Variants in TBX22 observed in about 807,000 individuals in gnomAD.
The protein encoded by TBX22 is T-box transcription factor TBX22.
TBX22 carries 8 observed loss-of-function variants against 30.1 expected under a neutral mutation model. That is an observed-to-expected ratio of 0.27 (90% CI 0.16 to 0.48). The LOEUF is 0.48. TBX22 is among the 20% of genes least tolerant of loss of function. The pLI, the probability that TBX22 is intolerant of heterozygous loss-of-function variation, is 0.99. For synonymous variants in TBX22, 173 were observed against 149.1 expected (o/e 1.16, Z -1.17); for missense variants, 463 against 400.5 (o/e 1.16, Z -1.33).
rs369384425 is a variant in TBX22 at position 80,023,117 on chromosome X, G to A, written c.233G>A (p.Ser78Asn). Residue 78 changes from serine to asparagine, a missense_variant, in exon 3 of 9, where the codon AGC (serine) becomes AAC (asparagine). Transcript: ENST00000373296. ...GCTTCCTCTGGCTGCGGCAGCGACA[G>A]CGGCTACGGCAACAGCTCTGAAAGT... ...TSASSGCGSDSGYGNSSESLE... is the reference protein window; with the variant it reads ...TSASSGCGSDNGYGNSSESLE... 12 of 1,210,142 alleles carry A rather than the reference G, an allele frequency of 9.9e-6. No individual in the cohort carries two copies. In the African/African-American group the frequency reaches 1.9e-4, roughly 19 times the overall value.
At position 80,022,385 on chromosome X, in the gene TBX22, A is replaced by G. The variant is rs753716446; in HGVS notation, c.116A>G (p.Lys39Arg). The G allele has an allele frequency of 1.7e-6, 2 of 1,207,941 alleles. No homozygotes were observed. The highest frequency in any genetic ancestry group is 2.2e-6 in the Non-Finnish European group (2 of 893,375). Residue 39 changes from lysine (K) to arginine (R), a missense_variant, in exon 2 of 9, where the codon AAG (lysine) becomes AGG (arginine). Lys to Arg is a conservative substitution (Grantham distance 26, BLOSUM62 2). Transcript: ENST00000373296. ...GAGCAGCCTGAGCTGCGGGAGAAAA[A>G]GGGCGGAGAGGAAGAGGAGGAGAGA... The part of the protein sequence containing the change: ...QAEQPELREK[K>R]GGEEEEERRS...
At chrX:80,022,925 A>G (rs1337954719) in intron 2 of TBX22, 135 bp from the exon 3 acceptor site, 2 of 617,320 alleles carry the variant, frequency 3.2e-6, no homozygotes, top group African/African-American at 2.3e-5. Context: ...TGTTATGCGG[A>G]GCTTGGGGAA....
At chrX:80,027,386 T>C in intron 7 of TBX22, 66 bp downstream of exon 7, 1 of 635,568 alleles carries the variant, frequency 1.6e-6, no homozygotes, top group South Asian at 2.6e-5. Flanking sequence ...TTTTTTTTTT[T>C]TTTTTTTCCT....
chrX:80,028,138 C>T (rs1212546633), intron 8 of TBX22, 62 bp downstream of exon 8: 1 of 994,176 alleles, frequency 1.0e-6, no homozygotes, highest in African/African-American at 1.9e-5. Context: ...ACATCCGGAA[C>T]CCTTGTACCA....
Position 80,028,068 on chromosome X carries a change from A to G in TBX22, c.941A>G (p.Asp314Gly), listed in dbSNP as rs767569061. ...FTLDFKTFGA[D>G]TQSGSSGSSP... ...CTCGATTTTAAAACCTTTGGCGCAG[A>G]CACACAAAGTAAGAAAACTTGGAAC... The change falls in exon 8 of 9, where the codon GAC becomes GGC. Residue 314 changes from aspartate (D) to glycine (G), a missense_variant. Asp to Gly is a moderately conservative substitution (Grantham distance 94). Coordinates refer to ENST00000373296, the MANE Select transcript of TBX22 (RefSeq NM_001109878.2). The G allele has an allele frequency of 1.7e-6, 2 of 1,206,551 alleles. No individual in the cohort carries two copies. The highest frequency in any genetic ancestry group is 1.8e-5 in the African/African-American group (1 of 57,071).
At chrX:80,026,535 T>C (rs1923983197) in intron 5 of TBX22, among the ~76,000 whole-genome samples, 169 bp from the exon 6 acceptor site, 1 of 112,150 alleles carries the variant, frequency 8.9e-6, no homozygotes, top group Admixed American at 9.4e-5. Context: ...TCTCTGGAAA[T>C]GTTTTTAGCT....
chrX:80,027,370 A>G (rs1372662597), intron 7 of TBX22, 50 bp downstream of exon 7: 1 of 640,220 alleles, frequency 1.6e-6, no homozygotes, highest in East Asian at 3.6e-5. Context: ...AGCTATTTTC[A>G]CAAGTTTTTT....
chrX:80,018,322 A>G (rs916803634), intron 1 of TBX22, among the ~76,000 whole-genome samples: 5 of 112,397 alleles, frequency 4.4e-5, no homozygotes, highest in Non-Finnish European at 7.5e-5. Context: ...ATTTCCAAGG[A>G]TGAACTTGAT....
chrX:80,023,958 G>T, intron 3 of TBX22, 105 bp from the exon 4 acceptor site: 1 of 710,474 alleles, frequency 1.4e-6, no homozygotes, highest in Non-Finnish European at 2.2e-6. Flanking sequence ...GAAGGGTATT[G>T]TGAGTCCCTT....
At chrX:80,021,359 A>C (rs1923681270) in intron 1 of TBX22, among the ~76,000 whole-genome samples, 1 of 111,455 alleles carries the variant, frequency 9.0e-6, no homozygotes, top group South Asian at 3.8e-4. Context: ...TGGCATTGGG[A>C]GACTCCTGCC....
At chrX:80,025,463 T>C in intron 4 of TBX22, 140 bp from the exon 5 acceptor site, 1 of 537,861 alleles carries the variant, frequency 1.9e-6, no homozygotes. Flanking sequence ...CCCGAATGCT[T>C]GTTAGAAATT....
chrX:80,023,951 G>A (rs1923845075), intron 3 of TBX22, 112 bp from the exon 4 acceptor site: 4 of 656,435 alleles, frequency 6.1e-6, no homozygotes, highest in Non-Finnish European at 5.0e-6. Flanking sequence ...GAAAAGGGAA[G>A]GGTATTGTGA....
At chrX:80,027,761 C>T (rs1313185682) in intron 7 of TBX22, among the ~76,000 whole-genome samples, 3 of 111,795 alleles carry the variant, frequency 2.7e-5, no homozygotes, top group Admixed American at 9.5e-5. Context: ...AGAAAGGAAC[C>T]CAGATGTTTT....
chrX:80,021,580 A>C (rs1923694573), intron 1 of TBX22, among the ~76,000 whole-genome samples: 1 of 111,906 alleles, frequency 8.9e-6, no homozygotes, highest in Admixed American at 9.4e-5. Context: ...CATGTCTTTG[A>C]GTTTTATAAT....
intron 6 of TBX22, among the ~76,000 whole-genome samples, 188 bp from the exon 7 acceptor site, chrX:80,027,068 A>C (rs1924010380): frequency 8.9e-6 from 1 of 112,714 alleles, no homozygotes; most frequent in Non-Finnish European, 1.9e-5. Flanking sequence ...GGTAATTTAT[A>C]AAAGTAATGA....
At position 80,025,781 on chromosome X, in the gene TBX22, C is replaced by T. The variant is rs370955267; in HGVS notation, c.633+4C>T. Reference sequence around the variant, plus strand: ...TGAGATGGATGACAAAGGCCACGTACGTGAGCACAATCCTTTACCCCGAGG... The same window carrying T: ...TGAGATGGATGACAAAGGCCACGTATGTGAGCACAATCCTTTACCCCGAGG... On this transcript the variant is annotated splice_donor_region_variant and intron_variant, in intron 5 of 8. Transcript: ENST00000373296. The T allele has an allele frequency of 3.1e-5, 37 of 1,194,400 alleles. No individual in the cohort carries two copies. The highest frequency in any genetic ancestry group is 2.3e-4 in the Middle Eastern group (1 of 4,266).
intron 3 of TBX22, 43 bp downstream of exon 3, chrX:80,023,283 G>A: frequency 8.6e-7 from 1 of 1,157,714 alleles, no homozygotes; most frequent in Non-Finnish European, 1.2e-6. Flanking sequence ...ACACACATTA[G>A]GCACTTAATT....
At chrX:80,023,976 T>G in intron 3 of TBX22, 87 bp from the exon 4 acceptor site, 1 of 881,391 alleles carries the variant, frequency 1.1e-6, no homozygotes. Flanking sequence ...CTTCACTTTT[T>G]ACTGGAGTCA....
chrX:80,026,027 C>T (rs1477858520), intron 5 of TBX22, among the ~76,000 whole-genome samples: 2 of 111,351 alleles, frequency 1.8e-5, no homozygotes, highest in African/African-American at 6.5e-5. Context: ...CTGTTTAAGC[C>T]AGAATGCCTG....
Sources: allele counts gnomAD v4.1 joint callset (sites outside exome capture counted in the v4.1 genomes callset), GRCh38; gene constraint gnomAD v4.1.1; transcripts MANE v1.5; gene names NCBI Gene and HGNC (gene_info 2026-07-23, HGNC 2026-07-21).